DENND4C: variants seen among roughly 807,000 people sequenced by gnomAD.
DENND4C encodes DENN domain-containing protein 4C.
DENND4C carries 108 observed loss-of-function variants against 203.0 expected under a neutral mutation model. That is an observed-to-expected ratio of 0.53 (90% confidence interval 0.46 to 0.62). The LOEUF (loss-of-function observed/expected upper bound fraction) is 0.62, where lower values mean the gene tolerates loss of function less well. Among genes scored for constraint, DENND4C ranks in the 20% least tolerant of loss-of-function variants. The pLI, the probability that DENND4C is intolerant of heterozygous loss-of-function variation, is 0.00. For synonymous variants in DENND4C, 871 were observed against 792.4 expected (o/e 1.10, Z -1.67); for missense variants, 2,481 against 2,301.2 (o/e 1.08, Z -1.60).
chr9:19,333,029 T>C (rs1387838777), intron 17 of DENND4C, among the ~76,000 whole-genome samples: 1 of 150,450 alleles, frequency 6.6e-6, no homozygotes, highest in East Asian at 1.9e-4. Context: ...TTTTTATTTA[T>C]ATTTAAATAT....
chr9:19,316,935 C>G, intron 12 of DENND4C, 96 bp downstream of exon 12: 1 of 1,078,872 alleles, frequency 9.3e-7, no homozygotes, highest in African/African-American at 1.6e-5. Context: ...TAAATTATTA[C>G]AAATTCACAT....
Position 19,316,858 on chromosome 9 carries a change from A to AC in DENND4C, c.1807+20dup. 1 of 1,579,224 alleles carries AC rather than the reference A, an allele frequency of 6.3e-7. No homozygotes were observed. On this transcript the variant is annotated intron_variant, in intron 12 of 32. Coordinates refer to ENST00000434457, the MANE Select transcript of DENND4C (RefSeq NM_001330640.2). ...CGACAGGGTGAGTAGCATTGAAAGTACAATTCCTTTTATTGAGGTGAAAAA... is the reference window on the plus strand; with the variant it reads ...CGACAGGGTGAGTAGCATTGAAAGTACCAATTCCTTTTATTGAGGTGAAAAA...
Position 19,328,043 on chromosome 9 carries a change from C to T in DENND4C, c.2134C>T (p.Pro712Ser). 6.2e-7 allele frequency: 1 copy of T among 1,602,324 alleles called. No homozygotes were observed. The highest frequency in any genetic ancestry group is 8.5e-7 in the Non-Finnish European group (1 of 1,176,574). ...LSPKYSYKYFPRLDLKLFDRP... is the reference protein window; with the variant it reads ...LSPKYSYKYFSRLDLKLFDRP... ...TTTTTATTTTAGTTACAAATACTTTCCAAGACTGGACCTTAAGCTTTTTGA... is the reference window on the plus strand; with the variant it reads ...TTTTTATTTTAGTTACAAATACTTTTCAAGACTGGACCTTAAGCTTTTTGA... Residue 712 changes from proline (P) to serine (S), a missense_variant, in exon 16 of 33, where the codon CCA becomes TCA. Around this residue, in one of 3 missense-constraint regions of DENND4C, gnomAD observed 2,289 missense variants for 2,113.3 expected, o/e 1.08. Transcript: ENST00000434457.
At chr9:19,278,128 T>C (rs1833278815) in intron 2 of DENND4C, among the ~76,000 whole-genome samples, 1 of 149,102 alleles carries the variant, frequency 6.7e-6, no homozygotes, top group African/African-American at 2.5e-5. Flanking sequence ...TTTGTTGTTG[T>C]GGTTGTTTTT....
intron 5 of DENND4C, among the ~76,000 whole-genome samples, chr9:19,295,515 G>GA (rs911980033): frequency 8.8e-5 from 13 of 147,074 alleles, no homozygotes; most frequent in Admixed American, 6.8e-5. Flanking sequence ...AAAAAAAAAG[G>GA]AAAAAAAAAA....
At chr9:19,318,034 C>G (rs1842133020) in intron 12 of DENND4C, among the ~76,000 whole-genome samples, 1 of 152,166 alleles carries the variant, frequency 6.6e-6, no homozygotes, top group Non-Finnish European at 1.5e-5. Flanking sequence ...TTAAAGTTTT[C>G]TCTAATGGGC....
At position 19,360,385 on chromosome 9, in the gene DENND4C, C is replaced by T. The variant is rs148640310; in HGVS notation, c.5302C>T (p.Pro1768Ser). The T allele has an allele frequency of 8.2e-5, 132 of 1,614,084 alleles. No individual in the cohort carries two copies. The African/African-American group carries it at 1.7e-3, about 21-fold the overall frequency. The stretch of plus-strand genomic sequence containing the variant: ...TACATCTTCTTTCATCAATCAACAT[C>T]CAATCATTTTCTGGAACCTCGTTTG... ...IHTSSFINQH[P>S]IIFWNLVWYF... is the part of the protein sequence containing the mutation. The change falls in exon 29 of 33, where the codon CCA becomes TCA. Residue 1768 changes from proline to serine, a missense_variant. By Grantham distance (74) the Pro-to-Ser change is moderately conservative. Coordinates refer to ENST00000434457, the MANE Select transcript of DENND4C (RefSeq NM_001330640.2).
Position 19,296,256 on chromosome 9 carries a change from A to G in DENND4C, c.1040+10A>G. On this transcript the variant is annotated intron_variant, in intron 6 of 32. Transcript: ENST00000434457. ...CTCTTCCCATTGAAAAGTATGTATA[A>G]TGATTAGAAAGATGGCTGGTGGAAA... The G allele has an allele frequency of 6.5e-7, 1 of 1,544,708 alleles. No homozygotes were observed. Among genetic ancestry groups the G allele is most frequent in the Non-Finnish European group, 8.9e-7 (1 of 1,126,812 alleles).
chr9:19,342,315 A>G (rs930559330), intron 21 of DENND4C, among the ~76,000 whole-genome samples: 1 of 152,160 alleles, frequency 6.6e-6, no homozygotes, highest in South Asian at 2.1e-4. Context: ...TTTATACTCC[A>G]GAGTTATGGA....
chr9:19,327,988 G>A (rs370091829), intron 15 of DENND4C, 42 bp from the exon 16 acceptor site: 40 of 1,539,818 alleles, frequency 2.6e-5, no homozygotes, highest in Non-Finnish European at 3.4e-5. Context: ...TGAAGAGTTG[G>A]TGTGTTTTAA....
intron 2 of DENND4C, among the ~76,000 whole-genome samples, chr9:19,277,866 A>AGT (rs917401838): frequency 3.8e-4 from 58 of 152,266 alleles, no homozygotes; most frequent in African/African-American, 1.3e-3. Context: ...TTATCAGGAA[A>AGT]GTGTGTTAAA....
rs1827219929 is a variant in DENND4C at position 19,253,702 on chromosome 9, A to G, written c.-17-22456A>G. On this transcript the variant is annotated intron_variant, in intron 1 of 32. Transcript: ENST00000434457. ...ATCTTTTATTACAATGAGAGGAATT[A>G]CATGAACTGCATTTAGTTTTTTTTA... is the stretch of plus-strand genomic sequence containing the variant. 2.0e-5 allele frequency among the ~76,000 whole-genome samples: 3 copies of G among 152,358 alleles called. No homozygotes were observed. In the South Asian group the frequency reaches 6.2e-4, roughly 32 times the overall value.
intron 1 of DENND4C, among the ~76,000 whole-genome samples, chr9:19,251,811 C>T (rs1826673662): frequency 6.6e-6 from 1 of 152,188 alleles, no homozygotes; most frequent in Non-Finnish European, 1.5e-5. Context: ...AGTTCCTCAT[C>T]TCCATCTGAG....
chr9:19,354,864 G>GCT (rs1825026755), intron 26 of DENND4C, among the ~76,000 whole-genome samples: 5 of 149,530 alleles, frequency 3.3e-5, no homozygotes, highest in Non-Finnish European at 7.4e-5. Context: ...CATTTTCTAT[G>GCT]AATTGGTTGC....
chr9:19,334,800 C>T (rs868782029), intron 17 of DENND4C, among the ~76,000 whole-genome samples, 177 bp from the exon 18 acceptor site: 17 of 152,136 alleles, frequency 1.1e-4, no homozygotes, highest in Middle Eastern at 3.4e-3. Flanking sequence ...TGCTGTGAGG[C>T]GTGAGCCACT....
intron 1 of DENND4C, among the ~76,000 whole-genome samples, chr9:19,244,219 T>G (rs1239355720): frequency 6.6e-5 from 10 of 152,034 alleles, no homozygotes; most frequent in Non-Finnish European, 1.2e-4. Context: ...TGAGTAGAGA[T>G]GGGATTTTGC....
At chr9:19,355,119 C>T (rs574476423) in intron 26 of DENND4C, among the ~76,000 whole-genome samples, 1 of 151,482 alleles carries the variant, frequency 6.6e-6, no homozygotes, top group African/African-American at 2.4e-5. Flanking sequence ...ACCATGTTAG[C>T]CAGGATGGTC....
At chr9:19,319,476 A>G (rs1039700485) in intron 12 of DENND4C, among the ~76,000 whole-genome samples, 9 of 147,914 alleles carry the variant, frequency 6.1e-5, no homozygotes, top group African/African-American at 2.0e-4. Flanking sequence ...TTTGAGGGGG[A>G]CACAGTTTCA....
At chr9:19,306,638 A>C (rs1300556985) in intron 10 of DENND4C, among the ~76,000 whole-genome samples, 2 of 152,044 alleles carry the variant, frequency 1.3e-5, no homozygotes, top group Non-Finnish European at 2.9e-5. Flanking sequence ...ATTCTGAATA[A>C]AATAATATGG....
Sources: allele counts gnomAD v4.1 joint callset (sites outside exome capture counted in the v4.1 genomes callset), GRCh38; gene constraint gnomAD v4.1.1; regional missense constraint gnomAD v4.1.1; transcripts MANE v1.5; gene names NCBI Gene and HGNC (gene_info 2026-07-23, HGNC 2026-07-21).